The following ARB2A variants were observed in gnomAD, a reference collection of about 807,000 sequenced individuals.
The protein encoded by ARB2A is ARB2 cotranscriptional regulator A.
At chr5:93,977,988 T>C in the ARB2A span, among the ~76,000 whole-genome samples, 1 of 152,102 alleles carries the variant, frequency 6.6e-6, no homozygotes, top group African/African-American at 2.4e-5. Flanking sequence ...AAAAGAGATA[T>C]ACAAGCAGCC....
chr5:93,763,789 C>T, the ARB2A span, among the ~76,000 whole-genome samples: 10,722 of 152,048 alleles, frequency 0.071, 819 homozygotes, highest in East Asian at 0.23. Flanking sequence ...ATTCACCACA[C>T]AGTTGGAAGT....
the ARB2A span, among the ~76,000 whole-genome samples, chr5:93,911,936 A>G: frequency 6.6e-6 from 1 of 151,598 alleles, no homozygotes; most frequent in Non-Finnish European, 1.5e-5. Context: ...CAGCACATAT[A>G]CTCTTTCTCA....
At chr5:94,039,509 G>T in the ARB2A span, among the ~76,000 whole-genome samples, 1 of 152,268 alleles carries the variant, frequency 6.6e-6, no homozygotes, top group African/African-American at 2.4e-5. Flanking sequence ...GTCTAAAAAG[G>T]GGAGGCAGGA....
the ARB2A span, among the ~76,000 whole-genome samples, chr5:93,838,830 A>G: frequency 6.6e-6 from 1 of 151,978 alleles, no homozygotes; most frequent in Non-Finnish European, 1.5e-5. Context: ...TGTGTTCCTG[A>G]TTTGGCTCTC....
chr5:93,734,233 T>G, the ARB2A span: 1 of 152,168 alleles, frequency 6.6e-6, no homozygotes, highest in Non-Finnish European at 1.5e-5. Context: ...ATCAATACAT[T>G]ATTTAGTCTG....
chr5:93,731,566 T>G, the ARB2A span, among the ~76,000 whole-genome samples: 2 of 152,206 alleles, frequency 1.3e-5, no homozygotes, highest in Non-Finnish European at 2.9e-5. Flanking sequence ...TGAAACAAAT[T>G]CTCTTTCAAT....
chr5:94,067,954 T>C, the ARB2A span, among the ~76,000 whole-genome samples: 1 of 152,150 alleles, frequency 6.6e-6, no homozygotes, highest in Non-Finnish European at 1.5e-5. Context: ...AACAGCATAA[T>C]ATTATTATTT....
chr5:93,683,126 T>G, the ARB2A span: 1 of 1,533,564 alleles, frequency 6.5e-7, no homozygotes, highest in Non-Finnish European at 8.9e-7. Context: ...GGCTGGAGTA[T>G]CTCGTATAGA....
chr5:93,640,326 G>C, the ARB2A span, among the ~76,000 whole-genome samples: 3 of 151,536 alleles, frequency 2.0e-5, no homozygotes, highest in African/African-American at 7.3e-5. Flanking sequence ...GTGGGTGCCT[G>C]TAATCCCAGC....
the ARB2A span, among the ~76,000 whole-genome samples, chr5:94,066,073 A>G: frequency 6.6e-6 from 1 of 152,214 alleles, no homozygotes; most frequent in African/African-American, 2.4e-5. Flanking sequence ...AAATACATGG[A>G]AACTAAACTT....
chr5:94,110,358 A>C, the ARB2A span, among the ~76,000 whole-genome samples: 1 of 152,204 alleles, frequency 6.6e-6, no homozygotes, highest in South Asian at 2.1e-4. Context: ...ATACTTGCTA[A>C]ATGGATAAAC....
chr5:93,711,961 G>T, the ARB2A span, among the ~76,000 whole-genome samples: 1 of 152,230 alleles, frequency 6.6e-6, no homozygotes, highest in East Asian at 1.9e-4. Flanking sequence ...AAATTCAACA[G>T]GGAGATTCTG....
chr5:93,671,369 TAAA>T, the ARB2A span, among the ~76,000 whole-genome samples: 1 of 152,048 alleles, frequency 6.6e-6, no homozygotes, highest in Admixed American at 6.6e-5. Flanking sequence ...AGAATAAAGA[TAAA>T]AGCCCAAATG....
chr5:94,101,253 T>C, the ARB2A span, among the ~76,000 whole-genome samples: 1 of 152,160 alleles, frequency 6.6e-6, no homozygotes, highest in Non-Finnish European at 1.5e-5. Flanking sequence ...CACAATGAGA[T>C]ACCATCTCAC....
chr5:94,111,347 C>G, the ARB2A span, among the ~76,000 whole-genome samples: 3 of 152,102 alleles, frequency 2.0e-5, no homozygotes, highest in Non-Finnish European at 4.4e-5. Context: ...CAGCGGAGGC[C>G]CAGACACAAG....
the ARB2A span, among the ~76,000 whole-genome samples, chr5:93,846,069 C>T: frequency 6.6e-6 from 1 of 151,520 alleles, no homozygotes; most frequent in Non-Finnish European, 1.5e-5. Flanking sequence ...ACTTAATTAG[C>T]TTTGTGACTT....
At chr5:93,868,468 G>A in the ARB2A span, among the ~76,000 whole-genome samples, 4 of 152,342 alleles carry the variant, frequency 2.6e-5, no homozygotes, top group East Asian at 7.7e-4. Flanking sequence ...GCATGCGTGA[G>A]TACTGAAACT....
chr5:93,803,022 G>A, the ARB2A span, among the ~76,000 whole-genome samples: 1 of 152,002 alleles, frequency 6.6e-6, no homozygotes, highest in Non-Finnish European at 1.5e-5. Flanking sequence ...ACATTTTGTT[G>A]CATTAACAAT....
the ARB2A span, among the ~76,000 whole-genome samples, chr5:93,637,354 G>GTT: frequency 0.25 from 29,368 of 115,608 alleles, 4,111 homozygotes; most frequent in Non-Finnish European, 0.3. Context: ...GGGTTGTTTA[G>GTT]TTTTTTTTTT....
Sources: gnomAD v4.1 joint callset for allele counts (sites outside exome capture counted in the v4.1 genomes callset) on GRCh38, gnomAD v4.1.1 for gene constraint, MANE v1.5 for transcripts, NCBI Gene and HGNC (gene_info 2026-07-23, HGNC 2026-07-21) for gene names.